Variants in QSER1 observed in about 807,000 individuals in gnomAD.
QSER1 encodes glutamine and serine rich 1, also known as glutamine and serine-rich protein 1.
QSER1 carries 49 observed loss-of-function variants against 158.5 expected under a neutral mutation model. That is an observed-to-expected ratio of 0.31 (90% CI 0.25 to 0.39). The LOEUF is 0.39. QSER1 is among the 10% of genes least tolerant of loss of function. The pLI is 1.00. For synonymous variants in QSER1, 650 were observed against 715.5 expected, an observed-to-expected ratio of 0.91 and a Z score of 1.46; for missense variants, 1,754 against 2,010.3, an observed-to-expected ratio of 0.87 and a Z score of 2.44.
At chr11:32,966,782 A>G (rs1376730432) in intron 9 of QSER1, among the ~76,000 whole-genome samples, 1 of 152,238 alleles carries the variant, frequency 6.6e-6, no homozygotes, top group East Asian at 1.9e-4. Context: ...GGAAAGATGA[A>G]CCAGATAAAA....
rs187241292 is a variant in QSER1 at position 32,951,343 on chromosome 11, A to G, written c.4178-2514A>G. On this transcript the variant is annotated intron_variant, in intron 4 of 12. Coordinates refer to ENST00000650167, the MANE Select transcript of QSER1 (RefSeq NM_001076786.3). ...TCTGTATTTCTATAGCTTTATGGTA[A>G]GTTTTGAAATTGAGAAATGTCAGTC... is the stretch of plus-strand genomic sequence containing the variant. Among the ~76,000 whole-genome samples the G allele has an allele frequency of 3.3e-5, 5 of 152,226 alleles. No homozygotes were observed. In the East Asian group the frequency reaches 9.6e-4, roughly 29 times the overall value.
At chr11:32,926,192 C>T (rs947202007) in intron 1 of QSER1, 4 of 150,880 alleles carry the variant, frequency 2.7e-5, no homozygotes, top group Non-Finnish European at 4.4e-5. Context: ...GGCACTGATA[C>T]TAAGTTAGAG....
rs866257927 is a variant in QSER1 at position 32,933,924 on chromosome 11, C to T, written c.2666C>T (p.Pro889Leu). 3 of 1,613,960 alleles carry T rather than the reference C, an allele frequency of 1.9e-6. No individual in the cohort carries two copies. Among genetic ancestry groups the T allele is most frequent in the Middle Eastern group, 3.3e-4 (2 of 6,060 alleles). ...ASLQAQRVQS[P>L]QQIVHPFLQM... Reference sequence around the variant, plus strand: ...TTACAAGCACAGCGTGTTCAAAGCCCTCAACAAATAGTACATCCCTTCCTT... The same window carrying T: ...TTACAAGCACAGCGTGTTCAAAGCCTTCAACAAATAGTACATCCCTTCCTT... Residue 889 changes from proline (P) to leucine (L), a missense_variant, in exon 4 of 13, where the codon CCT becomes CTT. Coordinates refer to ENST00000650167, the MANE Select transcript of QSER1 (RefSeq NM_001076786.3).
intron 1 of QSER1, among the ~76,000 whole-genome samples, chr11:32,916,398 A>C (rs1851831289): frequency 6.6e-6 from 1 of 152,174 alleles, no homozygotes; most frequent in Non-Finnish European, 1.5e-5. Context: ...CCCAGACCCT[A>C]GCAAATGCAG....
In QSER1 at chr11:32,975,242, T is replaced by C; in HGVS notation, c.5359-6T>C. 3 of 1,535,040 alleles carry C rather than the reference T, an allele frequency of 2.0e-6. No individual in the cohort carries two copies. The highest frequency in any genetic ancestry group is 2.6e-6 in the Non-Finnish European group (3 of 1,142,110). ...AATGTATCTATAAACTTTTTTCTTT[T>C]TATAGGAGTTTGCTGTCGATCCAGA... On this transcript the variant is annotated splice_region_variant and splice_polypyrimidine_tract_variant and intron_variant, in intron 11 of 12. Coordinates refer to ENST00000650167, the MANE Select transcript of QSER1 (RefSeq NM_001076786.3).
chr11:32,947,415 G>T (rs1270471552), intron 4 of QSER1, among the ~76,000 whole-genome samples: 1 of 152,110 alleles, frequency 6.6e-6, no homozygotes, highest in Non-Finnish European at 1.5e-5. Flanking sequence ...CATTAATAGT[G>T]TTCAAATCCT....
chr11:32,968,866 C>A (rs1335938009), intron 9 of QSER1, among the ~76,000 whole-genome samples, 180 bp from the exon 10 acceptor site: 1 of 152,182 alleles, frequency 6.6e-6, no homozygotes, highest in African/African-American at 2.4e-5. Context: ...CTACTATAAA[C>A]CTACTTTTCA....
chr11:32,938,153 G>A (rs1054126085), intron 4 of QSER1, among the ~76,000 whole-genome samples: 1 of 152,144 alleles, frequency 6.6e-6, no homozygotes, highest in Non-Finnish European at 1.5e-5. Flanking sequence ...ATAGTGCTGT[G>A]ACTTTAGGGC....
At position 32,932,203 on chromosome 11, in the gene QSER1, T is replaced by C. The variant is rs779496831; in HGVS notation, c.945T>C (p.Cys315=). The C allele has an allele frequency of 1.2e-5, 19 of 1,614,116 alleles. No individual in the cohort carries two copies. Among genetic ancestry groups the C allele is most frequent in the Non-Finnish European group, 2.5e-6 (3 of 1,180,054 alleles). Residue 315 remains cysteine (C), a synonymous_variant, in exon 4 of 13, where the codon TGT becomes TGC. Transcript: ENST00000650167. The part of the protein sequence containing the change: ...ASIERALLRE[C]SVIKHHQRPS... ...TTGAAAGAGCTCTTCTTCGAGAATG[T>C]AGTGTTATTAAACACCATCAGCGGC...
chr11:32,931,800 G>T lies in QSER1; in HGVS notation c.542G>T (p.Gly181Val). 12 of 1,613,778 alleles carry T rather than the reference G, an allele frequency of 7.4e-6. No homozygotes were observed. Among genetic ancestry groups the T allele is most frequent in the Non-Finnish European group, 9.3e-6 (11 of 1,179,854 alleles). The change falls in exon 4 of 13, where the codon GGA (glycine) becomes GTA (valine). Residue 181 changes from glycine (G) to valine (V), a missense_variant. This residue lies in a region of QSER1 where 1,707 missense variants were observed against 1,919.6 expected (regional missense o/e 0.89). Coordinates refer to ENST00000650167, the MANE Select transcript of QSER1 (RefSeq NM_001076786.3). ...LFATGPLPST[G>V]TLPPSLSAYQ... ...GCTACTGGACCTTTGCCAAGCACTG[G>T]AACACTTCCACCATCTCTCTCTGCT...
At chr11:32,904,517 C>T (rs1803423856) in intron 1 of QSER1, among the ~76,000 whole-genome samples, 1 of 151,688 alleles carries the variant, frequency 6.6e-6, no homozygotes, top group Non-Finnish European at 1.5e-5. Flanking sequence ...AATGTGCTAG[C>T]CGTGAATATG....
intron 1 of QSER1, among the ~76,000 whole-genome samples, chr11:32,917,012 C>G (rs920661455): frequency 1.3e-5 from 2 of 152,238 alleles, no homozygotes; most frequent in Admixed American, 6.5e-5. Context: ...GTCTCGAACT[C>G]CTGACCTCAG....
intron 1 of QSER1, among the ~76,000 whole-genome samples, chr11:32,903,916 T>C (rs1455884866): frequency 6.6e-6 from 1 of 152,104 alleles, no homozygotes; most frequent in East Asian, 1.9e-4. Context: ...CCAGCCCCAG[T>C]AAGTTTCTTT....
chr11:32,953,797 C>T (rs1482667307), intron 4 of QSER1, 60 bp from the exon 5 acceptor site: 3 of 1,522,684 alleles, frequency 2.0e-6, no homozygotes, highest in African/African-American at 1.4e-5. Context: ...TTGAGTTTTA[C>T]ACAAAACAAG....
intron 1 of QSER1, among the ~76,000 whole-genome samples, chr11:32,914,833 T>A (rs558605467): frequency 2.2e-4 from 34 of 152,358 alleles, no homozygotes; most frequent in African/African-American, 7.2e-4. Context: ...TTTGTTATAG[T>A]GAAGTTGACT....
intron 4 of QSER1, among the ~76,000 whole-genome samples, chr11:32,952,871 T>G (rs1480700843): frequency 1.3e-5 from 2 of 151,372 alleles, no homozygotes; most frequent in African/African-American, 4.9e-5. Context: ...GGCACAGTCT[T>G]GGCTCACTGC....
chr11:32,905,654 G>A (rs1481625071), intron 1 of QSER1, among the ~76,000 whole-genome samples: 1 of 152,082 alleles, frequency 6.6e-6, no homozygotes, highest in African/African-American at 2.4e-5. Context: ...ACTCAAATCT[G>A]ATCCTCTAAC....
At chr11:32,901,159 TCA>T (rs1269701198) in intron 1 of QSER1, among the ~76,000 whole-genome samples, 1 of 152,234 alleles carries the variant, frequency 6.6e-6, no homozygotes, top group African/African-American at 2.4e-5. Context: ...TCTCTGTGCC[TCA>T]GTTTCCTTAT....
chr11:32,956,951 G>A (rs900463839), intron 7 of QSER1, among the ~76,000 whole-genome samples: 1 of 151,806 alleles, frequency 6.6e-6, no homozygotes, highest in African/African-American at 2.4e-5. Context: ...TTTTTATAGG[G>A]ATGGGATTTT....
Sources: gnomAD v4.1 joint callset for allele counts (sites outside exome capture counted in the v4.1 genomes callset) on GRCh38, gnomAD v4.1.1 for gene constraint, gnomAD v4.1.1 regional missense constraint, MANE v1.5 for transcripts, NCBI Gene and HGNC (gene_info 2026-07-23, HGNC 2026-07-21) for gene names.